The following PI16 variants were observed in gnomAD, a reference collection of about 807,000 sequenced individuals.
The protein encoded by PI16 is PSP94-binding protein.
A neutral mutation model predicts 38.0 loss-of-function variants in PI16; 35 were observed. That is an observed-to-expected ratio of 0.92 (90% CI 0.70 to 1.22). PI16 has a LOEUF of 1.22. PI16 is among the 50% of genes most tolerant of loss of function. PI16 has a pLI of 0.00. For synonymous variants in PI16, 275 were observed against 252.9 expected (o/e 1.09, Z -0.83); for missense variants, 572 against 593.8 (o/e 0.96, Z 0.38).
In PI16 at chr6:36,961,914, C is replaced by A. The variant is rs1368671791; in HGVS notation, c.532C>A (p.Gln178Lys). ...PGNVKGKRPY[Q>K]EGTPCSQCPS... is the part of the protein sequence containing the mutation. ...GAACGTGAAGGGGAAACGGCCCTACCAGGAGGGGACTCCGTGCTCCCAATG... is the reference window on the plus strand; with the variant it reads ...GAACGTGAAGGGGAAACGGCCCTACAAGGAGGGGACTCCGTGCTCCCAATG... Residue 178 changes from glutamine (Q) to lysine (K), a missense_variant, in exon 4 of 7, where the codon CAG becomes AAG. By Grantham distance (53) the Gln-to-Lys change is moderately conservative. Coordinates refer to ENST00000373674, the MANE Select transcript of PI16 (RefSeq NM_153370.3). 1.2e-6 allele frequency: 2 copies of A among 1,613,998 alleles called. No homozygotes were observed. Among genetic ancestry groups the A allele is most frequent in the Non-Finnish European group, 1.7e-6 (2 of 1,180,008 alleles).
chr6:36,963,768 G>T, intron 5 of PI16, 55 bp from the exon 6 acceptor site: 1 of 1,535,816 alleles, frequency 6.5e-7, no homozygotes, highest in East Asian at 2.3e-5. Flanking sequence ...TGGGGTGGGC[G>T]GGACATCAGG....
upstream of PI16, among the ~76,000 whole-genome samples, chr6:36,952,382 A>T (rs1177295843): frequency 6.6e-6 from 1 of 152,220 alleles, no homozygotes; most frequent in Non-Finnish European, 1.5e-5. Flanking sequence ...TCCTTGCCAC[A>T]TCCAATGCCA....
upstream of PI16, among the ~76,000 whole-genome samples, chr6:36,952,333 T>A (rs1763115403): frequency 6.6e-6 from 1 of 152,220 alleles, no homozygotes; most frequent in Admixed American, 6.5e-5. Flanking sequence ...AATTTATTTT[T>A]GTTTTGTTGC....
upstream of PI16, among the ~76,000 whole-genome samples, chr6:36,952,739 T>A (rs553521560): frequency 4.6e-5 from 7 of 152,338 alleles, no homozygotes. Flanking sequence ...CTGTAAGACT[T>A]CCAATTTTGT....
In PI16 at chr6:36,961,529, A is replaced by G. The variant is rs1561897314; in HGVS notation, c.472A>G (p.Ile158Val). 6.2e-7 allele frequency: 1 copy of G among 1,614,184 alleles called. No individual in the cohort carries two copies. The highest frequency in any genetic ancestry group is 2.2e-5 in the East Asian group (1 of 44,880). ...EKLQGVEETN[I>V]ELLVCNYEPP... ...GCTCCAGGGTGTTGAGGAGACCAACATCGAATTACTGGTGTGCAACTATGA... is the reference window on the plus strand; with the variant it reads ...GCTCCAGGGTGTTGAGGAGACCAACGTCGAATTACTGGTGTGCAACTATGA... Residue 158 changes from isoleucine (I) to valine (V), a missense_variant, in exon 3 of 7, where the codon ATC becomes GTC. By Grantham distance (29) the Ile-to-Val change is conservative (BLOSUM62 3). Transcript: ENST00000373674.
rs1011136263 is a variant in PI16 at position 36,962,895 on chromosome 6, T to G, written c.593-40T>G. On this transcript the variant is annotated intron_variant, in intron 4 of 6. Transcript: ENST00000373674. This position sits in a 1 kb window ranked among gnomAD's most constrained non-coding sequence, Gnocchi z 4.1. ...CAGTGCCATGAGAGATGTGGGGTCC[T>G]GCTTGCAGCACTCATGCCCGTTCTC... The G allele has an allele frequency of 6.5e-7, 1 of 1,543,224 alleles. No individual in the cohort carries two copies. The highest frequency in any genetic ancestry group is 1.4e-5 in the African/African-American group (1 of 72,760).
In PI16 at chr6:36,954,809, C is replaced by T. The variant is rs1763160393; in HGVS notation, c.49C>T (p.Leu17=). 1 of 1,614,016 alleles carries T rather than the reference C, an allele frequency of 6.2e-7. No individual in the cohort carries two copies. The highest frequency in any genetic ancestry group is 1.3e-5 in the African/African-American group (1 of 74,950). ...FLMLLLPLLL[L]LVATTGPVGA... is the part of the protein sequence containing the mutation. ...GATGCTTCTGCTGCCGCTACTGCTA[C>T]TGCTGGTGGCCACCACAGGCCCCGT... The change falls in exon 1 of 7, where the codon CTG becomes TTG. Residue 17 remains leucine, a synonymous_variant. Coordinates refer to ENST00000373674, the MANE Select transcript of PI16 (RefSeq NM_153370.3).
upstream of PI16, among the ~76,000 whole-genome samples, chr6:36,951,885 C>T (rs554690028): frequency 2.0e-5 from 3 of 151,880 alleles, no homozygotes; most frequent in Non-Finnish European, 4.4e-5. Context: ...GGTGACAGAG[C>T]GAGACCCTGT....
In PI16 at chr6:36,959,154, G is replaced by T. The variant is rs749242578; in HGVS notation, c.181G>T (p.Glu61Ter). The T allele has an allele frequency of 2.5e-6, 4 of 1,608,390 alleles. No individual in the cohort carries two copies. The highest frequency in any genetic ancestry group is 1.7e-5 in the Admixed American group (1 of 59,380). The change falls in exon 2 of 7, where the codon GAG becomes TAG. Residue 61 changes from glutamate (E) to a stop codon, truncating the protein, a stop_gained. Coordinates refer to ENST00000373674, the MANE Select transcript of PI16 (RefSeq NM_153370.3). LOFTEE classifies it high-confidence loss of function. ...CTCACCTGCCCTGCAGAGATGGGAC[G>T]AGGAGCTGGCCGCCTTCGCCAAGGC... is the stretch of plus-strand genomic sequence containing the variant. ...ASDMLHMRWD[E>*]ELAAFAKAYA... is the part of the protein sequence containing the mutation.
chr6:36,953,327 C>T (rs1347729294), upstream of PI16, among the ~76,000 whole-genome samples: 7 of 139,140 alleles, frequency 5.0e-5, no homozygotes, highest in African/African-American at 8.4e-5. Flanking sequence ...CAGAGCGAGA[C>T]TCCATCTCAA....
Position 36,962,080 on chromosome 6 carries a change from G to A in PI16, c.592+106G>A, listed in dbSNP as rs1763382546. ...GACTGAGCGGGACGTGGGCAGGGAA[G>A]GAGCCTGGTGGGATGCGACCACCGG... On this transcript the variant is annotated intron_variant, in intron 4 of 6. Transcript: ENST00000373674. The surrounding 1 kb of genome is among the most constrained non-coding windows in gnomAD (Gnocchi z 4.1). The A allele has an allele frequency of 2.2e-6, 2 of 929,434 alleles. No individual in the cohort carries two copies. Among genetic ancestry groups the A allele is most frequent in the African/African-American group, 3.2e-5 (2 of 61,878 alleles). The allele number at this position is 929,434 out of a possible 1,614,324, so 57.6% of individuals were successfully genotyped here. A position where few individuals can be genotyped will look rare whatever the true frequency, so the allele number is the denominator to read the frequency against.
intron 3 of PI16, 115 bp downstream of exon 3, chr6:36,961,675 C>T: frequency 1.0e-6 from 1 of 993,508 alleles, no homozygotes; most frequent in South Asian, 1.4e-5. Flanking sequence ...CAGTCTGGAG[C>T]AATACTGTCC....
At position 36,963,363 on chromosome 6, in the gene PI16, A is replaced by T. The variant is rs751164636; in HGVS notation, c.1021A>T (p.Met341Leu). ...CCCAGAGAACTCTCTGGACCCCAAG[A>T]TGTCCCTGACAGGGGCAAGGGAACT... ...RSPENSLDPK[M>L]SLTGARELLP... Residue 341 changes from methionine to leucine, a missense_variant, in exon 5 of 7, where the codon ATG becomes TTG. Transcript: ENST00000373674. 6.2e-7 allele frequency: 1 copy of T among 1,614,204 alleles called. No homozygotes were observed. The highest frequency in any genetic ancestry group is 8.5e-7 in the Non-Finnish European group (1 of 1,180,032).
chr6:36,961,595 G>C (rs375776810), intron 3 of PI16, 35 bp downstream of exon 3: 23 of 1,594,690 alleles, frequency 1.4e-5, no homozygotes, highest in Admixed American at 3.3e-5. Context: ...GATGGAGAGG[G>C]GGAAGGCACA....
At chr6:36,959,458 C>G (rs975969685) in intron 2 of PI16, 92 bp downstream of exon 2, 92 of 1,267,778 alleles carry the variant, frequency 7.3e-5, no homozygotes, top group Admixed American at 1.1e-4. Context: ...GCCTTCACCC[C>G]TCCTAAGCGT....
At chr6:36,948,693 T>TCC (rs1201175897) in intron 1 of PI16, among the ~76,000 whole-genome samples, 1 of 120,966 alleles carries the variant, frequency 8.3e-6, no homozygotes, top group Non-Finnish European at 1.6e-5. Flanking sequence ...CCTCCCTCCT[T>TCC]TCCTTACTGT....
intron 1 of PI16, among the ~76,000 whole-genome samples, chr6:36,956,423 G>A (rs1763208875): frequency 6.6e-6 from 1 of 152,216 alleles, no homozygotes; most frequent in South Asian, 2.1e-4. Context: ...AGACAGAGGT[G>A]CGCCTTGGAG....
chr6:36,954,250 A>G (rs66570061), upstream of PI16, among the ~76,000 whole-genome samples: 37,689 of 152,246 alleles, frequency 0.25, 4,844 homozygotes, highest in East Asian at 0.41. Context: ...AAAGCTGCCA[A>G]AACACAGATA....
chr6:36,951,786 C>T (rs1301738753), upstream of PI16, among the ~76,000 whole-genome samples: 1 of 151,942 alleles, frequency 6.6e-6, no homozygotes, highest in African/African-American at 2.4e-5. Context: ...GACGTCCCAG[C>T]CTACTTGGGA....
Sources: gnomAD v4.1 joint callset for allele counts (sites outside exome capture counted in the v4.1 genomes callset) on GRCh38, gnomAD v4.1.1 for gene constraint, Gnocchi (gnomAD v3.1) non-coding constraint, MANE v1.5 for transcripts, NCBI Gene and HGNC (gene_info 2026-07-23, HGNC 2026-07-21) for gene names.